Variants in NKAIN3 observed in about 807,000 individuals in gnomAD.
The protein encoded by NKAIN3 is sodium/potassium transporting ATPase interacting 3.
A neutral mutation model predicts 30.2 loss-of-function variants in NKAIN3; 25 were observed. The observed-to-expected ratio is 0.83, with a 90% CI of 0.60 to 1.16. The LOEUF (loss-of-function observed/expected upper bound fraction) is 1.16, where lower values mean the gene tolerates loss of function less well. Ranked by LOEUF, NKAIN3 falls within the 50% of genes most tolerant of loss-of-function variation. The probability of loss-of-function intolerance (pLI) is 0.00; values close to 1 mark genes in which losing one functional copy is unlikely to be tolerated. For missense variants in NKAIN3, 225 were observed against 254.1 expected (o/e 0.89, Z 0.78); for synonymous variants, 91 against 89.6 (o/e 1.02, Z -0.09).
At chr8:62,507,855 G>A (rs886928776) in intron 1 of NKAIN3, among the ~76,000 whole-genome samples, 1 of 152,190 alleles carries the variant, frequency 6.6e-6, no homozygotes, top group Admixed American at 6.5e-5. Context: ...GAAAGGACAC[G>A]GAAAAAGAGA....
intron 1 of NKAIN3, among the ~76,000 whole-genome samples, chr8:62,326,418 G>C (rs571129852): frequency 6.6e-6 from 1 of 151,730 alleles, no homozygotes; most frequent in Non-Finnish European, 1.5e-5. Flanking sequence ...AAGTTTTTCC[G>C]ATGTTATCTT....
At chr8:62,759,416 T>C (rs1015967448) in intron 4 of NKAIN3, among the ~76,000 whole-genome samples, 11 of 152,182 alleles carry the variant, frequency 7.2e-5, no homozygotes, top group African/African-American at 2.2e-4. Flanking sequence ...CTAAGTAAGA[T>C]GAATTATGTA....
intron 4 of NKAIN3, among the ~76,000 whole-genome samples, chr8:62,826,805 G>A (rs112015873): frequency 1.7e-3 from 257 of 151,522 alleles, no homozygotes; most frequent in Admixed American, 2.6e-3. Flanking sequence ...TAGGAAAACA[G>A]AGGAAGTGTA....
intron 4 of NKAIN3, among the ~76,000 whole-genome samples, chr8:62,842,007 G>A (rs957000124): frequency 3.3e-5 from 5 of 152,030 alleles, no homozygotes; most frequent in Admixed American, 6.6e-5. Flanking sequence ...ATTCTATTGG[G>A]TATAAATAGA....
At chr8:62,533,972 A>T (rs1006605232) in intron 1 of NKAIN3, among the ~76,000 whole-genome samples, 1 of 152,154 alleles carries the variant, frequency 6.6e-6, no homozygotes, top group Non-Finnish European at 1.5e-5. Flanking sequence ...AGGACACTGC[A>T]AGTCCCTTTC....
intron 1 of NKAIN3, among the ~76,000 whole-genome samples, chr8:62,326,206 A>G (rs1028378609): frequency 2.0e-5 from 3 of 151,944 alleles, no homozygotes; most frequent in African/African-American, 7.2e-5. Flanking sequence ...AGTCAGTGAA[A>G]GACACAAATA....
In NKAIN3 at chr8:62,984,470, A is replaced by G. The variant is rs1422841337; in HGVS notation, c.*19063A>G. 6.6e-6 allele frequency: 1 copy of G among 152,200 alleles called. No homozygotes were observed. The highest frequency in any genetic ancestry group is 1.9e-4 in the East Asian group (1 of 5,200). The allele number at this position is 152,200 out of a possible 1,614,324, so 9.4% of individuals were successfully genotyped here. ...GATGTCTCTTGATCTTGACACTGGA[A>G]TTCAATGTAAAAATCTTGAATGATA... is the stretch of plus-strand genomic sequence containing the variant. On this transcript the variant is annotated 3_prime_UTR_variant, in exon 7 of 7. Coordinates refer to ENST00000623646, the MANE Select transcript of NKAIN3 (RefSeq NM_001304533.3).
chr8:62,303,326 A>G (rs142473309), intron 1 of NKAIN3, among the ~76,000 whole-genome samples: 2,416 of 150,544 alleles, frequency 0.016, 57 homozygotes, highest in Non-Finnish European at 0.025. Context: ...AAAACAGCCA[A>G]TGACTGAGGA....
At chr8:62,951,626 T>A (rs1409624762) in intron 5 of NKAIN3, among the ~76,000 whole-genome samples, 2 of 151,902 alleles carry the variant, frequency 1.3e-5, no homozygotes, top group African/African-American at 4.8e-5. Context: ...GTCCAGCTAA[T>A]TTTTGAATTT....
At position 62,966,053 on chromosome 8, in the gene NKAIN3, A is replaced by C; in HGVS notation, c.*646A>C. ...TTTTTCCTGATATATATATATATGT[A>C]GGCACATGGAAGAGTAAAAGGATTA... On this transcript the variant is annotated 3_prime_UTR_variant, in exon 7 of 7. Transcript: ENST00000623646. 1 of 977,302 alleles carries C rather than the reference A, an allele frequency of 1.0e-6. No individual in the cohort carries two copies. The highest frequency in any genetic ancestry group is 1.8e-5 in the African/African-American group (1 of 57,090). 60.5% of individuals were successfully genotyped at this position (977,302 alleles called of 1,614,324 possible).
intron 5 of NKAIN3, among the ~76,000 whole-genome samples, chr8:62,941,347 T>C (rs1241847226): frequency 6.6e-6 from 1 of 152,068 alleles, no homozygotes; most frequent in Non-Finnish European, 1.5e-5. Context: ...ACCAATACTA[T>C]TGACACTATT....
chr8:62,574,276 T>C (rs1431196889), intron 1 of NKAIN3, among the ~76,000 whole-genome samples: 1 of 152,160 alleles, frequency 6.6e-6, no homozygotes, highest in Non-Finnish European at 1.5e-5. Flanking sequence ...CACATTTTCT[T>C]TATCCTTTCA....
chr8:62,942,548 A>G (rs1822998008), intron 5 of NKAIN3, among the ~76,000 whole-genome samples: 1 of 151,852 alleles, frequency 6.6e-6, no homozygotes, highest in South Asian at 2.1e-4. Context: ...ATTCATGTGG[A>G]ACCAAAAAAG....
In NKAIN3 at chr8:62,562,020, A is replaced by G. The variant is rs1215001013; in HGVS notation, c.55-17519A>G. ...AGAATGAGGGTGTGGCTGAGATGAAAGCTCAGGGTGTTGACAGTGTATCTC... is the reference window on the plus strand; with the variant it reads ...AGAATGAGGGTGTGGCTGAGATGAAGGCTCAGGGTGTTGACAGTGTATCTC... On this transcript the variant is annotated intron_variant, in intron 1 of 6. Coordinates refer to ENST00000623646, the MANE Select transcript of NKAIN3 (RefSeq NM_001304533.3). Among the ~76,000 whole-genome samples the G allele has an allele frequency of 2.6e-5, 4 of 152,246 alleles. No homozygotes were observed. In the South Asian group the frequency reaches 6.2e-4, roughly 24 times the overall value.
chr8:62,399,651 G>C (rs2129595140), intron 1 of NKAIN3, among the ~76,000 whole-genome samples: 1 of 152,310 alleles, frequency 6.6e-6, no homozygotes, highest in East Asian at 1.9e-4. Context: ...TCTCAAAGGA[G>C]CTTTTGGTAC....
chr8:62,538,021 A>G (rs539763500), intron 1 of NKAIN3, among the ~76,000 whole-genome samples: 2 of 152,278 alleles, frequency 1.3e-5, no homozygotes, highest in East Asian at 3.9e-4. Context: ...GGTCCATGCC[A>G]GGAGCTGCTT....
At chr8:62,744,717 C>T (rs950139755) in intron 3 of NKAIN3, among the ~76,000 whole-genome samples, 8 of 152,076 alleles carry the variant, frequency 5.3e-5, no homozygotes, top group African/African-American at 9.7e-5. Flanking sequence ...AATTGCCTTG[C>T]GTTAAACTGA....
chr8:62,792,189 G>A (rs116214207), intron 4 of NKAIN3, among the ~76,000 whole-genome samples: 4,025 of 152,142 alleles, frequency 0.026, 188 homozygotes, highest in African/African-American at 0.092. Flanking sequence ...CATCTATGCA[G>A]CCACTGCCTT....
At chr8:62,265,016 C>T (rs1199421087) in intron 1 of NKAIN3, among the ~76,000 whole-genome samples, 1 of 152,010 alleles carries the variant, frequency 6.6e-6, no homozygotes, top group Non-Finnish European at 1.5e-5. Context: ...CTTTCTTGAC[C>T]TAAGAAAAGA....
Sources: gnomAD v4.1 joint callset for allele counts (sites outside exome capture counted in the v4.1 genomes callset) on GRCh38, gnomAD v4.1.1 for gene constraint, MANE v1.5 for transcripts, NCBI Gene and HGNC (gene_info 2026-07-23, HGNC 2026-07-21) for gene names.